COG5: variants seen among roughly 807,000 people sequenced by gnomAD.
The protein encoded by COG5 is conserved oligomeric Golgi complex subunit 5.
In COG5, 86 loss-of-function variants were observed where a neutral mutation model predicts 110.4. The ratio of observed to expected loss-of-function variants is 0.78; its 90% CI spans 0.65 to 0.93. The LOEUF is 0.93. Ranked by LOEUF, COG5 falls within the 40% of genes least tolerant of loss-of-function variation. COG5 has a pLI of 0.00. For synonymous variants in COG5, 360 were observed against 334.6 expected, an observed-to-expected ratio of 1.08 and a Z score of -0.83; for missense variants, 1,077 against 987.0, an observed-to-expected ratio of 1.09 and a Z score of -1.22.
intron 14 of COG5, among the ~76,000 whole-genome samples, chr7:107,262,784 A>G (rs1803464654): frequency 6.6e-6 from 1 of 152,178 alleles, no homozygotes; most frequent in Non-Finnish European, 1.5e-5. Context: ...AAGCAATCAG[A>G]AAACTCCTGT....
intron 7 of COG5, among the ~76,000 whole-genome samples, chr7:107,384,760 T>A (rs1815428944): frequency 1.3e-5 from 2 of 152,182 alleles, no homozygotes; most frequent in South Asian, 4.1e-4. Context: ...AAGGCGGCTG[T>A]CTGTAAGCAA....
chr7:107,269,019 C>A (rs1468479010), intron 14 of COG5, among the ~76,000 whole-genome samples: 5 of 152,028 alleles, frequency 3.3e-5, no homozygotes, highest in Non-Finnish European at 7.4e-5. Flanking sequence ...TATAAACTTT[C>A]CCTTATTTGT....
intron 19 of COG5, 113 bp from the exon 20 acceptor site, chr7:107,211,338 G>A: frequency 3.3e-6 from 4 of 1,225,978 alleles, no homozygotes; most frequent in Non-Finnish European, 4.7e-6. Flanking sequence ...GCTACTGAAG[G>A]AGCCCTCCAC....
At chr7:107,478,002 T>C (rs1047690686) in intron 6 of COG5, among the ~76,000 whole-genome samples, 3 of 151,920 alleles carry the variant, frequency 2.0e-5, no homozygotes, top group Non-Finnish European at 4.4e-5. Flanking sequence ...AAACTCAATA[T>C]GGGACCTTTC....
At chr7:107,242,753 C>A (rs1801744015) in intron 17 of COG5, among the ~76,000 whole-genome samples, 1 of 152,196 alleles carries the variant, frequency 6.6e-6, no homozygotes, top group African/African-American at 2.4e-5. Flanking sequence ...TGGCTTGGGC[C>A]CACAGCATAG....
In COG5 at chr7:107,432,613, T is replaced by C. The variant is rs111558769; in HGVS notation, c.539-19981A>G. ...TACCATTAATATCAAACTGGCCTTA[T>C]AAGAAAAGCTGCCTCTACATGAAAA... On this transcript the variant is annotated intron_variant, in intron 6 of 21. Transcript: ENST00000297135. Among the ~76,000 whole-genome samples the C allele has an allele frequency of 6.6e-5, 10 of 152,282 alleles. 3 individuals are homozygous for C. Among genetic ancestry groups the C allele is most frequent in the African/African-American group, 2.4e-4 (10 of 41,578 alleles).
chr7:107,400,921 A>G (rs1466211203), intron 7 of COG5, among the ~76,000 whole-genome samples: 1 of 152,168 alleles, frequency 6.6e-6, no homozygotes, highest in Non-Finnish European at 1.5e-5. Context: ...ACACATCGTA[A>G]AAGAGGAAAG....
intron 11 of COG5, among the ~76,000 whole-genome samples, chr7:107,306,830 T>C (rs145538898): frequency 3.3e-5 from 5 of 152,312 alleles, no homozygotes; most frequent in African/African-American, 1.2e-4. Context: ...ATTTTCTACC[T>C]TCTTCCCGTC....
At chr7:107,563,244 C>T (rs911138547) in intron 1 of COG5, among the ~76,000 whole-genome samples, 1 of 151,866 alleles carries the variant, frequency 6.6e-6, no homozygotes, top group Non-Finnish European at 1.5e-5. Flanking sequence ...CCAACCTGAA[C>T]AAATGTCTCA....
Position 107,226,326 on chromosome 7 carries a change from C to G in COG5, c.2168+4289G>C, listed in dbSNP as rs142793397. Among the ~76,000 whole-genome samples the G allele has an allele frequency of 1.2e-3, 176 of 152,278 alleles. 2 individuals carry two copies. Among genetic ancestry groups the G allele is most frequent in the Middle Eastern group, 6.8e-3 (2 of 294 alleles). ...AGGTCTAACTTGGATGATGCCTATT[C>G]TTTGTCACAGCCCACAGCACAGATG... On this transcript the variant is annotated intron_variant, in intron 19 of 21. Coordinates refer to ENST00000297135, the MANE Select transcript of COG5 (RefSeq NM_006348.5).
chr7:107,340,681 C>A (rs1811102816), intron 10 of COG5, among the ~76,000 whole-genome samples: 1 of 152,150 alleles, frequency 6.6e-6, no homozygotes, highest in South Asian at 2.1e-4. Flanking sequence ...AGTTAATTCA[C>A]CATGATCGAG....
intron 7 of COG5, among the ~76,000 whole-genome samples, chr7:107,404,902 A>C (rs1283982450): frequency 5.9e-5 from 9 of 151,544 alleles, no homozygotes; most frequent in African/African-American, 1.9e-4. Context: ...AAAAAAAAAA[A>C]AAAAAACAGT....
rs1802641898 is a variant in COG5 at position 107,253,120 on chromosome 7, G to GCAGT, written c.1749+3611_1749+3612insACTG. 2.0e-5 allele frequency: 3 copies of GCAGT among 152,120 alleles called. No individual in the cohort carries two copies. In the East Asian group the frequency reaches 5.8e-4, roughly 29 times the overall value. 9.4% of individuals were successfully genotyped at this position (152,120 alleles called of 1,614,324 possible). On this transcript the variant is annotated intron_variant, in intron 16 of 21. Coordinates refer to ENST00000297135, the MANE Select transcript of COG5 (RefSeq NM_006348.5). Reference sequence around the variant, plus strand: ...CATGGAAAAACAGGCATAAAGATCAGAAAGTAAGAAATAAAAATCCCTATT... The same window carrying GCAGT: ...CATGGAAAAACAGGCATAAAGATCAGCAGTAAAGTAAGAAATAAAAATCCCTATT...
At chr7:107,317,270 C>A (rs1050771810) in intron 11 of COG5, among the ~76,000 whole-genome samples, 2 of 151,998 alleles carry the variant, frequency 1.3e-5, no homozygotes, top group African/African-American at 2.4e-5. Flanking sequence ...TCCTTCTATC[C>A]CCTCCCAGAA....
intron 14 of COG5, among the ~76,000 whole-genome samples, chr7:107,263,826 T>C (rs765740503): frequency 2.0e-5 from 3 of 152,184 alleles, no homozygotes; most frequent in African/African-American, 4.8e-5. Context: ...ATAGCTATAA[T>C]AACATGAAGA....
intron 8 of COG5, among the ~76,000 whole-genome samples, chr7:107,369,547 C>T (rs927031561): frequency 3.3e-5 from 5 of 151,862 alleles, no homozygotes; most frequent in East Asian, 1.9e-4. Flanking sequence ...CCACCACGCC[C>T]GGCTAATTTT....
intron 6 of COG5, among the ~76,000 whole-genome samples, chr7:107,416,445 G>T (rs1224720411): frequency 6.6e-6 from 1 of 151,942 alleles, no homozygotes; most frequent in Non-Finnish European, 1.5e-5. Flanking sequence ...AAGACTAAAT[G>T]ATATATTATT....
At chr7:107,232,415 T>C (rs1486549841) in intron 18 of COG5, among the ~76,000 whole-genome samples, 1 of 152,228 alleles carries the variant, frequency 6.6e-6, no homozygotes, top group Non-Finnish European at 1.5e-5. Flanking sequence ...CTCTATATAA[T>C]GGTTTTTTAC....
chr7:107,217,810 G>A (rs1170701555), intron 19 of COG5, among the ~76,000 whole-genome samples: 1 of 152,082 alleles, frequency 6.6e-6, no homozygotes, highest in African/African-American at 2.4e-5. Context: ...ACAAGACAAA[G>A]ATGTCCACTG....
Sources: gnomAD v4.1 joint callset for allele counts (sites outside exome capture counted in the v4.1 genomes callset) on GRCh38, gnomAD v4.1.1 for gene constraint, MANE v1.5 for transcripts, NCBI Gene and HGNC (gene_info 2026-07-23, HGNC 2026-07-21) for gene names.